Variants in MYO10 observed in about 807,000 individuals in gnomAD.
The protein encoded by MYO10 is myosin X.
Under a neutral mutation model 257.3 loss-of-function variants are expected in MYO10, and 133 were observed. That is an observed-to-expected ratio of 0.52 (90% CI 0.45 to 0.60). The LOEUF (loss-of-function observed/expected upper bound fraction) is 0.60. Among genes scored for constraint, MYO10 ranks in the 20% least tolerant of loss-of-function variants. The pLI is 0.00. For missense variants in MYO10, 2,399 were observed against 2,635.7 expected, an observed-to-expected ratio of 0.91 and a Z score of 1.97; for synonymous variants, 1,104 against 1,028.6, an observed-to-expected ratio of 1.07 and a Z score of -1.40.
chr5:16,768,728 G>A (rs1215887437), intron 10 of MYO10, among the ~76,000 whole-genome samples: 1 of 132,714 alleles, frequency 7.5e-6, no homozygotes, highest in African/African-American at 2.9e-5. Flanking sequence ...AGACTGGAGT[G>A]CAGTGGCATC....
chr5:16,923,663 TAC>T (rs60949830), intron 1 of MYO10, among the ~76,000 whole-genome samples: 3,797 of 140,308 alleles, frequency 0.027, 96 homozygotes, highest in African/African-American at 0.077. Flanking sequence ...AACACGCCCA[TAC>T]ACACACACAC....
At chr5:16,810,304 G>A (rs1252835694) in intron 3 of MYO10, among the ~76,000 whole-genome samples, 1 of 152,092 alleles carries the variant, frequency 6.6e-6, no homozygotes, top group Non-Finnish European at 1.5e-5. Flanking sequence ...ACAGTGACAT[G>A]GAGCCTCTTC....
intron 1 of MYO10, among the ~76,000 whole-genome samples, chr5:16,917,778 C>A (rs530194294): frequency 6.6e-6 from 1 of 151,728 alleles, no homozygotes; most frequent in African/African-American, 2.4e-5. Context: ...AAAGGCCGAA[C>A]GGGGGAGAAT....
chr5:16,663,325 GTTGTTTTTTTTTTT>G lies in MYO10; in HGVS notation c.*3353_*3366del, dbSNP rs1736041328. 2 of 41,318 alleles carry G rather than the reference GTTGTTTTTTTTTTT, an allele frequency of 4.8e-5. No homozygotes were observed. Among genetic ancestry groups the G allele is most frequent in the African/African-American group, 2.7e-4 (2 of 7,432 alleles). 2.6% of individuals were successfully genotyped at this position (41,318 alleles called of 1,614,324 possible). A position where few individuals can be genotyped will look rare whatever the true frequency, so the allele number is the denominator to read the frequency against. On this transcript the variant is annotated 3_prime_UTR_variant, in exon 41 of 41. Transcript: ENST00000513610. ...GGAAAAAAGTAACATTTTACTTCTA[GTTGTTTTTTTTTTT>G]TTTTTTTTTTTTTTTTTTTTTTTTT...
chr5:16,895,699 C>T (rs1430057007), intron 1 of MYO10, among the ~76,000 whole-genome samples: 1 of 151,476 alleles, frequency 6.6e-6, no homozygotes, highest in Non-Finnish European at 1.5e-5. Context: ...CCACCCCATC[C>T]ATCCTTCCCA....
intron 4 of MYO10, among the ~76,000 whole-genome samples, chr5:16,786,230 C>A (rs1276599478): frequency 6.6e-6 from 1 of 152,036 alleles, no homozygotes; most frequent in Non-Finnish European, 1.5e-5. Context: ...GGCAAAAATA[C>A]AATTATGGAG....
intron 3 of MYO10, among the ~76,000 whole-genome samples, chr5:16,813,054 G>A (rs1742490738): frequency 6.6e-6 from 1 of 151,970 alleles, no homozygotes; most frequent in Non-Finnish European, 1.5e-5. Flanking sequence ...AGGAGAAAAA[G>A]CTAACATTAC....
intron 19 of MYO10, chr5:16,738,256 G>A: frequency 1.0e-6 from 1 of 985,370 alleles, no homozygotes; most frequent in South Asian, 4.7e-5. Flanking sequence ...GAGGAGGGGT[G>A]GTCAGAGAGG....
intron 2 of MYO10, among the ~76,000 whole-genome samples, chr5:16,823,503 A>G (rs1436144987): frequency 2.8e-5 from 2 of 70,326 alleles, no homozygotes; most frequent in Non-Finnish European, 5.2e-5. Flanking sequence ...ACAGAGTCTC[A>G]CTCTGTCGCC....
Position 16,701,031 on chromosome 5 carries a change from G to T in MYO10, c.3364C>A (p.Arg1122Ser). ...SYGSQWSPDY[R>S]CSVGTYNSSG... Reference sequence around the variant, plus strand: ...CTGTTGTAGGTCCCCACAGAGCAGCGGTAGTCGGGGGACCACTGGCTGCCG... The same window carrying T: ...CTGTTGTAGGTCCCCACAGAGCAGCTGTAGTCGGGGGACCACTGGCTGCCG... The change falls in exon 25 of 41, where the codon CGC (arginine) becomes AGC (serine). Residue 1122 changes from arginine to serine, a missense_variant. Transcript: ENST00000513610. This position sits in a 1 kb window ranked among gnomAD's most constrained non-coding sequence, Gnocchi z 8.1. The T allele has an allele frequency of 6.4e-7, 1 of 1,563,248 alleles. No homozygotes were observed. The highest frequency in any genetic ancestry group is 2.4e-5 in the East Asian group (1 of 41,726).
At chr5:16,870,118 T>TA (rs1287027726) in intron 2 of MYO10, among the ~76,000 whole-genome samples, 1 of 151,458 alleles carries the variant, frequency 6.6e-6, no homozygotes, top group African/African-American at 2.4e-5. Context: ...AATTGCTTTT[T>TA]AATTCACCTG....
At chr5:16,867,314 C>G (rs970896591) in intron 2 of MYO10, among the ~76,000 whole-genome samples, 8 of 152,198 alleles carry the variant, frequency 5.3e-5, no homozygotes, top group Admixed American at 2.0e-4. Flanking sequence ...CTGTCCCCTA[C>G]TGACCATTTT....
chr5:16,828,506 G>C (rs1299612688), intron 2 of MYO10, among the ~76,000 whole-genome samples: 1 of 151,646 alleles, frequency 6.6e-6, no homozygotes, highest in Non-Finnish European at 1.5e-5. Context: ...TGTAATCCCA[G>C]TTACTTGGGA....
chr5:16,918,500 C>CTTTTTTTTTTTTTTTT (rs5866221), intron 1 of MYO10, among the ~76,000 whole-genome samples: 1 of 117,696 alleles, frequency 8.5e-6, no homozygotes, highest in Non-Finnish European at 1.7e-5. Context: ...TTTTTCTTTT[C>CTTTTTTTTTTTTTTTT]TTTTTTTTTT....
chr5:16,842,875 C>T lies in MYO10; in HGVS notation c.121-24708G>A, dbSNP rs148504672. On this transcript the variant is annotated intron_variant, in intron 2 of 40. Transcript: ENST00000513610. ...CACCACTGCACTCCAGCCTGGATGA[C>T]GCAGTGAGACCCCGTCTCTACTAAA... 1.8e-3 allele frequency among the ~76,000 whole-genome samples: 267 copies of T among 147,098 alleles called. 2 individuals carry two copies. The highest frequency in any genetic ancestry group is 6.4e-3 in the African/African-American group (254 of 39,590).
Position 16,668,424 on chromosome 5 carries a change from G to A in MYO10, c.5928C>T (p.Ser1976=), listed in dbSNP as rs767242626. Residue 1976 remains serine, a synonymous_variant, in exon 40 of 41, where the codon AGC becomes AGT. Coordinates refer to ENST00000513610, the MANE Select transcript of MYO10 (RefSeq NM_012334.3). ...GCTTGTAGACGGAGACGGCGTCCGC[G>A]CTGACACCCAACCAGAGTTCCTGAG... ...GFPQELWLGV[S]ADAVSVYKRG... The A allele has an allele frequency of 2.0e-5, 32 of 1,613,132 alleles. No individual in the cohort carries two copies. Among genetic ancestry groups the A allele is most frequent in the Middle Eastern group, 3.3e-4 (2 of 6,072 alleles).
chr5:16,839,959 G>A (rs941435890), intron 2 of MYO10, among the ~76,000 whole-genome samples: 1 of 152,196 alleles, frequency 6.6e-6, no homozygotes, highest in Non-Finnish European at 1.5e-5. Flanking sequence ...AGGGGCGTCT[G>A]TACTTTAATT....
intron 9 of MYO10, among the ~76,000 whole-genome samples, chr5:16,775,869 G>T (rs1027598199): frequency 6.7e-6 from 1 of 149,174 alleles, no homozygotes; most frequent in Non-Finnish European, 1.5e-5. Context: ...CAAAGTGCTG[G>T]AATTATAGGC....
chr5:16,879,134 G>A (rs1003993084), intron 1 of MYO10, among the ~76,000 whole-genome samples: 1 of 152,140 alleles, frequency 6.6e-6, no homozygotes, highest in Non-Finnish European at 1.5e-5. Context: ...ACATCCTTAT[G>A]AATCAATGTA....
Sources: allele counts gnomAD v4.1 joint callset (sites outside exome capture counted in the v4.1 genomes callset), GRCh38; gene constraint gnomAD v4.1.1; non-coding constraint Gnocchi (gnomAD v3.1); transcripts MANE v1.5; gene names NCBI Gene and HGNC (gene_info 2026-07-23, HGNC 2026-07-21).